Variants in MTTP observed in about 807,000 individuals in gnomAD.
The protein encoded by MTTP is microsomal triglyceride transfer protein large subunit.
MTTP carries 49 observed loss-of-function variants against 90.6 expected under a neutral mutation model. The observed-to-expected ratio is 0.54, with a 90% CI of 0.43 to 0.69. The LOEUF is 0.69. Among genes scored for constraint, MTTP ranks in the 30% least tolerant of loss-of-function variants. The pLI is 0.00. For missense variants in MTTP, 945 were observed against 1,067.5 expected (o/e 0.89, Z 1.60); for synonymous variants, 347 against 384.2 (o/e 0.90, Z 1.13).
At chr4:99,583,584 T>C in intron 3 of MTTP, 67 bp downstream of exon 3, 5 of 1,575,872 alleles carry the variant, frequency 3.2e-6, no homozygotes, top group Non-Finnish European at 4.4e-6. Flanking sequence ...TCAGTAGATA[T>C]TATTTTGAGG....
chr4:99,570,992 T>C, upstream of MTTP: 1 of 298,810 alleles, frequency 3.3e-6, no homozygotes, highest in Non-Finnish European at 6.8e-6. Flanking sequence ...ATCTGCTGTT[T>C]TAAGCCACTA....
chr4:99,566,173 C>T (rs1183577861), intron 1 of MTTP, among the ~76,000 whole-genome samples: 1 of 151,542 alleles, frequency 6.6e-6, no homozygotes, highest in African/African-American at 2.4e-5. Flanking sequence ...CCTGTAGTCC[C>T]GTCTACTCCG....
At chr4:99,592,809 G>C (rs537635589) in intron 6 of MTTP, among the ~76,000 whole-genome samples, 29 of 152,284 alleles carry the variant, frequency 1.9e-4, no homozygotes, top group Admixed American at 5.9e-4. Flanking sequence ...GAAGTACACT[G>C]TAAAATAATA....
chr4:99,594,743 G>C lies in MTTP; in HGVS notation c.769G>C (p.Glu257Gln), dbSNP rs139490666. ...TTTGGTATTATGCAGGCAGAAATTA[G>C]AGCTGAAGACAACCGAAGCAGGCCC... ...KGKIVSKQKL[E>Q]LKTTEAGPRL... The change falls in exon 7 of 18, where the codon GAG becomes CAG. Residue 257 changes from glutamate to glutamine, a missense_variant. Physicochemically the swap from Glu to Gln is conservative, Grantham distance 29. Transcript: ENST00000265517. The C allele has an allele frequency of 4.0e-5, 64 of 1,613,842 alleles. 1 individual carries two copies. Among genetic ancestry groups the C allele is most frequent in the East Asian group, 2.2e-4 (10 of 44,870 alleles).
intron 11 of MTTP, 37 bp downstream of exon 11, chr4:99,606,997 GAAA>G: frequency 8.2e-7 from 1 of 1,212,288 alleles, no homozygotes; most frequent in Non-Finnish European, 1.1e-6. Flanking sequence ...ATTTACAGAA[GAAA>G]AAAAAAAAGC....
At chr4:99,583,178 T>C (rs1176209599) in intron 2 of MTTP, among the ~76,000 whole-genome samples, 196 bp from the exon 3 acceptor site, 6 of 152,148 alleles carry the variant, frequency 3.9e-5, no homozygotes, top group African/African-American at 1.2e-4. Flanking sequence ...TTTTGCCTTA[T>C]TAAAAAACCT....
chr4:99,614,811 C>T (rs1726058970), intron 15 of MTTP, among the ~76,000 whole-genome samples: 2 of 152,198 alleles, frequency 1.3e-5, no homozygotes. Flanking sequence ...TGTTACATGG[C>T]TATCTCTAGC....
At chr4:99,611,531 T>C in intron 14 of MTTP, 78 bp downstream of exon 14, 1 of 1,544,224 alleles carries the variant, frequency 6.5e-7, no homozygotes, top group East Asian at 2.2e-5. Flanking sequence ...ATATATGCTG[T>C]GGGTAATGCT....
At chr4:99,604,949 G>C (rs368619482) in intron 10 of MTTP, among the ~76,000 whole-genome samples, 10 of 151,966 alleles carry the variant, frequency 6.6e-5, no homozygotes, top group South Asian at 4.1e-4. Flanking sequence ...ATATTCCATC[G>C]CATGTACACA....
At chr4:99,594,092 C>A (rs1005198970) in intron 6 of MTTP, among the ~76,000 whole-genome samples, 14 of 152,200 alleles carry the variant, frequency 9.2e-5, no homozygotes, top group Admixed American at 5.9e-4. Flanking sequence ...CTCAGCACTG[C>A]AGCTTCATGT....
At chr4:99,565,080 C>T (rs1252149465) in intron 1 of MTTP, among the ~76,000 whole-genome samples, 2 of 152,154 alleles carry the variant, frequency 1.3e-5, no homozygotes, top group Non-Finnish European at 2.9e-5. Context: ...CATCTTTTTT[C>T]AGCTGCCTCC....
chr4:99,570,999 A>G (rs943571506), upstream of MTTP: 1 of 296,700 alleles, frequency 3.4e-6, no homozygotes, highest in Non-Finnish European at 6.8e-6. Flanking sequence ...GTTTTAAGCC[A>G]CTAAGTTTTG....
intron 15 of MTTP, among the ~76,000 whole-genome samples, chr4:99,617,154 T>G (rs955781202): frequency 6.6e-6 from 1 of 152,206 alleles, no homozygotes; most frequent in African/African-American, 2.4e-5. Context: ...ACTATTGTGT[T>G]TTCTTCAGGA....
Position 99,612,847 on chromosome 4 carries a change from G to A in MTTP, c.1990-66G>A. 20 of 1,446,046 alleles carry A rather than the reference G, an allele frequency of 1.4e-5. No homozygotes were observed. In the South Asian group the frequency reaches 2.2e-4, roughly 16 times the overall value. The allele number at this position is 1,446,046 out of a possible 1,614,324, so 89.6% of individuals were successfully genotyped here. On this transcript the variant is annotated intron_variant, in intron 14 of 17. Transcript: ENST00000265517. ...GAGAAGTTCTAGCTGCAGCTCAGAAGCTTCACCATTATTTACAGAGCAGGC... is the reference window on the plus strand; with the variant it reads ...GAGAAGTTCTAGCTGCAGCTCAGAAACTTCACCATTATTTACAGAGCAGGC...
chr4:99,570,062 CTG>C (rs984734771), upstream of MTTP, among the ~76,000 whole-genome samples: 4 of 151,714 alleles, frequency 2.6e-5, no homozygotes, highest in Non-Finnish European at 5.9e-5. Flanking sequence ...CCACAAGACA[CTG>C]TTATTAAGAG....
In MTTP at chr4:99,574,851, G is replaced by A. The variant is rs745325548; in HGVS notation, c.-59G>A. 3.7e-4 allele frequency: 594 copies of A among 1,613,936 alleles called. No individual in the cohort carries two copies. The highest frequency in any genetic ancestry group is 4.8e-4 in the Non-Finnish European group (572 of 1,179,942). ...TCCCTCACTGGCTGCCATTGAAAGAGTCCACTTCTCAGTGACTCCTAGCTG... is the reference window on the plus strand; with the variant it reads ...TCCCTCACTGGCTGCCATTGAAAGAATCCACTTCTCAGTGACTCCTAGCTG... On this transcript the variant is annotated 5_prime_UTR_variant, in exon 1 of 18. Transcript: ENST00000265517.
Position 99,583,239 on chromosome 4 carries a change from A to G in MTTP, c.250-135A>G. Reference sequence around the variant, plus strand: ...TTTAAAGTGAGTGGCAAGGTCCTATAAATCATGAATTGAAAAATGACAGAA... The same window carrying G: ...TTTAAAGTGAGTGGCAAGGTCCTATGAATCATGAATTGAAAAATGACAGAA... On this transcript the variant is annotated intron_variant, in intron 2 of 17. Transcript: ENST00000265517. 2.9e-6 allele frequency: 3 copies of G among 1,039,150 alleles called. No homozygotes were observed. The South Asian group carries it at 4.7e-5, about 16-fold the overall frequency. The allele number at this position is 1,039,150 out of a possible 1,614,324, so 64.4% of individuals were successfully genotyped here.
intron 3 of MTTP, among the ~76,000 whole-genome samples, chr4:99,587,441 C>A (rs1725284404): frequency 6.6e-6 from 1 of 152,142 alleles, no homozygotes; most frequent in Admixed American, 6.6e-5. Context: ...GGCTCTAACA[C>A]CATTTTCTAA....
intron 3 of MTTP, chr4:99,584,293 A>G (rs1725202975): frequency 6.6e-6 from 1 of 152,100 alleles, no homozygotes; most frequent in South Asian, 2.1e-4. Context: ...TGAGAGCTCA[A>G]TTTTAGGAAC....
Sources: allele counts gnomAD v4.1 joint callset (sites outside exome capture counted in the v4.1 genomes callset), GRCh38; gene constraint gnomAD v4.1.1; transcripts MANE v1.5; gene names NCBI Gene and HGNC (gene_info 2026-07-23, HGNC 2026-07-21).